The following LVRN variants were observed in gnomAD, a reference collection of about 807,000 sequenced individuals.
LVRN encodes the protein aminopeptidase Q.
In LVRN, 99 loss-of-function variants were observed where a neutral mutation model predicts 111.4. The observed-to-expected ratio is 0.89, with a 90% CI of 0.76 to 1.05. The LOEUF (loss-of-function observed/expected upper bound fraction) is 1.05. Ranked by LOEUF, LVRN falls within the 50% of genes least tolerant of loss-of-function variation. The probability of loss-of-function intolerance (pLI) is 0.00; values close to 1 mark genes in which losing one functional copy is unlikely to be tolerated. For synonymous variants in LVRN, 488 were observed against 449.5 expected (o/e 1.09, Z -1.08); for missense variants, 1,414 against 1,206.8 (o/e 1.17, Z -2.54).
intron 9 of LVRN, 62 bp downstream of exon 9, chr5:116,000,720 T>G: frequency 6.5e-7 from 1 of 1,539,350 alleles, no homozygotes; most frequent in Non-Finnish European, 8.9e-7. Flanking sequence ...AGGAAAAGAC[T>G]GGGAGGCCAT....
rs1211709203 is a variant in LVRN at position 116,000,329 on chromosome 5, AT to A, written c.1516-103del. On this transcript the variant is annotated intron_variant, in intron 7 of 19. Transcript: ENST00000357872. ...TTCAAACATTCAACTAAAATGCAAA[AT>A]GCAATCAGGAGCACAGCTCAGAATA... 5.4e-6 allele frequency: 8 copies of A among 1,468,114 alleles called. No individual in the cohort carries two copies. The African/African-American group carries it at 1.1e-4, about 21-fold the overall frequency. The allele number at this position is 1,468,114 out of a possible 1,614,324, so 90.9% of individuals were successfully genotyped here.
At chr5:115,996,227 C>G (rs1180429467) in intron 6 of LVRN, among the ~76,000 whole-genome samples, 1 of 152,176 alleles carries the variant, frequency 6.6e-6, no homozygotes, top group Non-Finnish European at 1.5e-5. Flanking sequence ...AGATAGAATA[C>G]ATCATGAGCA....
At chr5:116,000,850 T>C (rs762914954) in intron 9 of LVRN, among the ~76,000 whole-genome samples, 192 bp downstream of exon 9, 1 of 152,188 alleles carries the variant, frequency 6.6e-6, no homozygotes, top group Non-Finnish European at 1.5e-5. Context: ...ATGGAATATG[T>C]TAGATCAATA....
At chr5:115,963,855 C>A (rs1346596229) in intron 1 of LVRN, among the ~76,000 whole-genome samples, 1 of 152,168 alleles carries the variant, frequency 6.6e-6, no homozygotes, top group Non-Finnish European at 1.5e-5. Context: ...ATTGCTGCCC[C>A]TTTTTAGGTC....
intron 12 of LVRN, 131 bp downstream of exon 12, chr5:116,003,511 A>C: frequency 2.1e-6 from 1 of 484,200 alleles, no homozygotes; most frequent in Middle Eastern, 5.7e-4. Flanking sequence ...CATGCAAAAG[A>C]TTTTTTTTTC....
At chr5:116,009,600 G>A (rs1748445581) in intron 13 of LVRN, among the ~76,000 whole-genome samples, 1 of 152,084 alleles carries the variant, frequency 6.6e-6, no homozygotes, top group Non-Finnish European at 1.5e-5. Context: ...ATATAAACAG[G>A]AGTTTTGAAG....
At chr5:116,000,096 A>G (rs1372355060) in intron 7 of LVRN, among the ~76,000 whole-genome samples, 194 bp downstream of exon 7, 2 of 152,194 alleles carry the variant, frequency 1.3e-5, no homozygotes, top group Admixed American at 1.3e-4. Context: ...AGCCAATATT[A>G]ATGCTTGGGT....
At chr5:115,993,138 G>A (rs546246287) in intron 5 of LVRN, among the ~76,000 whole-genome samples, 10 of 151,316 alleles carry the variant, frequency 6.6e-5, no homozygotes, top group East Asian at 1.9e-4. Flanking sequence ...CAGGGCTTGC[G>A]TTTGTTAGTT....
Position 115,999,891 on chromosome 5 carries a change from A to T in LVRN, c.1504A>T (p.Thr502Ser), listed in dbSNP as rs777913694. ...AATACAGGAACTCTTTGACATATTT[A>T]CTTACAGCAAGGTAAAAGCAGTTAG... ...SEIQELFDIF[T>S]YSKGASMARM... The change falls in exon 7 of 20, where the codon ACT becomes TCT. Residue 502 changes from threonine (T) to serine (S), a missense_variant. Coordinates refer to ENST00000357872, the MANE Select transcript of LVRN (RefSeq NM_173800.5). 4.3e-6 allele frequency: 7 copies of T among 1,609,244 alleles called. No homozygotes were observed. Among genetic ancestry groups the T allele is most frequent in the African/African-American group, 1.3e-5 (1 of 74,500 alleles).
chr5:115,982,033 G>A (rs1385428335), intron 1 of LVRN, among the ~76,000 whole-genome samples: 2 of 152,300 alleles, frequency 1.3e-5, no homozygotes, highest in Non-Finnish European at 2.9e-5. Flanking sequence ...GTGGAGTAGG[G>A]TCTTACAGAG....
chr5:116,005,319 G>A (rs1243738194), intron 12 of LVRN, among the ~76,000 whole-genome samples: 5 of 152,332 alleles, frequency 3.3e-5, no homozygotes, highest in South Asian at 4.1e-4. Flanking sequence ...TAGGGACTGA[G>A]CTGACAGCAG....
intron 19 of LVRN, among the ~76,000 whole-genome samples, chr5:116,024,037 G>C (rs1404978385): frequency 6.6e-6 from 1 of 152,184 alleles, no homozygotes; most frequent in Non-Finnish European, 1.5e-5. Context: ...GTCACATTCT[G>C]GGTAATGCAA....
chr5:116,017,953 T>C (rs1425863611), intron 18 of LVRN, among the ~76,000 whole-genome samples: 1 of 152,190 alleles, frequency 6.6e-6, no homozygotes, highest in African/African-American at 2.4e-5. Context: ...CACACATTAA[T>C]GTTGTTCTTT....
At chr5:115,988,498 C>G (rs1217420812) in intron 4 of LVRN, among the ~76,000 whole-genome samples, 2 of 152,010 alleles carry the variant, frequency 1.3e-5, no homozygotes, top group East Asian at 3.9e-4. Context: ...GTGGTATGTT[C>G]TTAAAATTGT....
At chr5:115,970,711 G>A (rs1333071435) in intron 1 of LVRN, among the ~76,000 whole-genome samples, 1 of 151,816 alleles carries the variant, frequency 6.6e-6, no homozygotes, top group African/African-American at 2.4e-5. Flanking sequence ...GTATGTATCA[G>A]TTATTTTGTA....
chr5:115,974,932 G>C, intron 1 of LVRN: 1 of 468,012 alleles, frequency 2.1e-6, no homozygotes, highest in Non-Finnish European at 4.3e-6. Context: ...CAAGTATTAG[G>C]TCACTTGATA....
chr5:115,994,465 G>A (rs1168141437), intron 6 of LVRN, among the ~76,000 whole-genome samples: 1 of 152,094 alleles, frequency 6.6e-6, no homozygotes, highest in Non-Finnish European at 1.5e-5. Flanking sequence ...TAGAGACGGG[G>A]TTTCGCCATG....
At position 115,999,903 on chromosome 5, in the gene LVRN, G is replaced by A; in HGVS notation, c.1515+1G>A. On this transcript the variant is annotated splice_donor_variant, in intron 7 of 19. Transcript: ENST00000357872. LOFTEE classifies it high-confidence loss of function. ...CTTTGACATATTTACTTACAGCAAG[G>A]TAAAAGCAGTTAGAAATTTCCTTTG... The A allele has an allele frequency of 6.2e-7, 1 of 1,600,548 alleles. No homozygotes were observed. The highest frequency in any genetic ancestry group is 1.1e-5 in the South Asian group (1 of 88,776).
intron 5 of LVRN, 55 bp downstream of exon 5, chr5:115,992,332 A>C (rs1221380134): frequency 6.3e-7 from 1 of 1,594,802 alleles, no homozygotes; most frequent in East Asian, 2.2e-5. Context: ...CAGGTGCGCT[A>C]CCAAAATAGC....
Sources: gnomAD v4.1 joint callset for allele counts (sites outside exome capture counted in the v4.1 genomes callset) on GRCh38, gnomAD v4.1.1 for gene constraint, MANE v1.5 for transcripts, NCBI Gene and HGNC (gene_info 2026-07-23, HGNC 2026-07-21) for gene names.